Variants in ZFHX3 observed in about 807,000 individuals in gnomAD.
ZFHX3 encodes zinc finger homeobox 3.
ZFHX3 carries 42 observed loss-of-function variants against 279.1 expected under a neutral mutation model. The ratio of observed to expected loss-of-function variants is 0.15; its 90% CI spans 0.12 to 0.19. ZFHX3 has a LOEUF of 0.19. Among genes scored for constraint, ZFHX3 ranks in the 10% least tolerant of loss-of-function variants. The pLI, the probability that ZFHX3 is intolerant of heterozygous loss-of-function variation, is 1.00. For synonymous variants in ZFHX3, 2,293 were observed against 1,957.8 expected (o/e 1.17, Z -4.52); for missense variants, 4,981 against 4,754.0 (o/e 1.05, Z -1.40).
chr16:73,450,720 CG>C (rs1364724029), intron 3 of ZFHX3, among the ~76,000 whole-genome samples: 2 of 152,146 alleles, frequency 1.3e-5, no homozygotes, highest in Non-Finnish European at 2.9e-5. Flanking sequence ...CTGAACATGT[CG>C]AAGGAGAACT....
At position 73,482,661 on chromosome 16, in the gene ZFHX3, T is replaced by A. The variant is rs1242121505; in HGVS notation, c.-1546-26403A>T. ...GTGATTTATGTTCAATTTGTACAAA[T>A]GGAGAAAATGAGATTTCAAATTTCA... is the stretch of plus-strand genomic sequence containing the variant. On this transcript the variant is annotated intron_variant, in intron 2 of 17. Coordinates refer to the ZFHX3 transcript ENST00000641206. 3.3e-5 allele frequency among the ~76,000 whole-genome samples: 5 copies of A among 152,290 alleles called. No homozygotes were observed. In the East Asian group the frequency reaches 9.7e-4, roughly 29 times the overall value.
At chr16:73,446,194 G>C (rs1028742692) in intron 3 of ZFHX3, among the ~76,000 whole-genome samples, 4 of 152,146 alleles carry the variant, frequency 2.6e-5, no homozygotes, top group African/African-American at 4.8e-5. Flanking sequence ...GAATCTTCCT[G>C]CTCTGGAACA....
intron 2 of ZFHX3, among the ~76,000 whole-genome samples, chr16:73,465,054 G>A (rs1015079885): frequency 2.0e-5 from 3 of 152,146 alleles, no homozygotes; most frequent in African/African-American, 7.2e-5. Flanking sequence ...GAGAGGACCC[G>A]GCACACCGGC....
intron 5 of ZFHX3, among the ~76,000 whole-genome samples, chr16:73,148,111 C>T (rs1291735484): frequency 1.3e-5 from 2 of 152,188 alleles, no homozygotes; most frequent in Non-Finnish European, 2.9e-5. Context: ...TATTGGAACG[C>T]AGCCACACTC....
intron 3 of ZFHX3, among the ~76,000 whole-genome samples, chr16:73,391,120 C>T (rs1476423828): frequency 2.6e-5 from 4 of 152,140 alleles, no homozygotes; most frequent in South Asian, 4.2e-4. Context: ...CTGCACAAGG[C>T]CCTTAGCCAC....
intron 4 of ZFHX3, among the ~76,000 whole-genome samples, chr16:73,297,574 T>C (rs2014946733): frequency 6.6e-6 from 1 of 152,030 alleles, no homozygotes; most frequent in African/African-American, 2.4e-5. Context: ...CAAATCCTTC[T>C]ATCCACAACC....
At chr16:73,038,088 G>A (rs1597122034) in intron 1 of ZFHX3, among the ~76,000 whole-genome samples, 2 of 152,218 alleles carry the variant, frequency 1.3e-5, no homozygotes, top group South Asian at 2.1e-4. Context: ...CATCCCAGAG[G>A]GTCCTTCCCC....
intron 3 of ZFHX3, among the ~76,000 whole-genome samples, chr16:72,942,815 C>T (rs1179557966): frequency 1.3e-5 from 2 of 152,176 alleles, no homozygotes; most frequent in Non-Finnish European, 2.9e-5. Context: ...TCTTTGCAGA[C>T]TCTGTTTCTT....
chr16:73,035,217 G>A (rs1964857220), intron 1 of ZFHX3, among the ~76,000 whole-genome samples: 1 of 152,190 alleles, frequency 6.6e-6, no homozygotes, highest in South Asian at 2.1e-4. Flanking sequence ...CTGTGGAAAT[G>A]ATAACCTTTT....
chr16:73,881,545 A>G (rs1478918071), intron 1 of ZFHX3, among the ~76,000 whole-genome samples: 3 of 145,028 alleles, frequency 2.1e-5, no homozygotes, highest in African/African-American at 7.6e-5. Flanking sequence ...TCCAAAGAGA[A>G]AGTGTCTATA....
chr16:73,127,338 G>C, intron 7 of ZFHX3: 5 of 1,304,310 alleles, frequency 3.8e-6, no homozygotes, highest in Non-Finnish European at 4.0e-6. Flanking sequence ...GCCGTACAGA[G>C]GAAAGCCGAT....
At chr16:72,935,634 G>A (rs898795872) in intron 3 of ZFHX3, among the ~76,000 whole-genome samples, 5 of 151,812 alleles carry the variant, frequency 3.3e-5, no homozygotes, top group East Asian at 1.9e-4. Context: ...CCAGCTACTC[G>A]GAAGGCTGAG....
At chr16:73,534,917 A>G (rs753378424) in intron 2 of ZFHX3, among the ~76,000 whole-genome samples, 1 of 152,150 alleles carries the variant, frequency 6.6e-6, no homozygotes, top group Non-Finnish European at 1.5e-5. Flanking sequence ...CTCATGACCC[A>G]TGCATGGAGT....
At chr16:73,465,821 G>A (rs1456710316) in intron 2 of ZFHX3, among the ~76,000 whole-genome samples, 1 of 152,266 alleles carries the variant, frequency 6.6e-6, no homozygotes, top group East Asian at 1.9e-4. Context: ...GAATTACTCT[G>A]AATGGACTGT....
intron 4 of ZFHX3, among the ~76,000 whole-genome samples, chr16:72,860,711 T>A (rs2037866325): frequency 1.3e-5 from 2 of 152,200 alleles, no homozygotes; most frequent in African/African-American, 4.8e-5. Flanking sequence ...ATTACAGGTG[T>A]CAGCTACCAC....
chr16:73,090,706 G>A (rs117748063), intron 8 of ZFHX3, among the ~76,000 whole-genome samples: 5,570 of 149,586 alleles, frequency 0.037, 154 homozygotes, highest in Non-Finnish European at 0.055. Context: ...GGGCAACATG[G>A]TGAAAACTGG....
intron 7 of ZFHX3, among the ~76,000 whole-genome samples, chr16:73,099,992 A>G (rs1050637860): frequency 6.6e-6 from 1 of 152,112 alleles, no homozygotes; most frequent in African/African-American, 2.4e-5. Context: ...AATGTTCACC[A>G]TCTCACTATG....
intron 2 of ZFHX3, among the ~76,000 whole-genome samples, chr16:73,475,140 G>A (rs758379731): frequency 6.6e-6 from 1 of 152,034 alleles, no homozygotes; most frequent in Non-Finnish European, 1.5e-5. Context: ...TTTTATTTCT[G>A]TTATAGGGAG....
At chr16:73,796,423 C>G (rs918086319) in intron 1 of ZFHX3, 1 of 152,228 alleles carries the variant, frequency 6.6e-6, no homozygotes, top group African/African-American at 2.4e-5. Context: ...CCAAGGAAAA[C>G]AGCCCAGGCA....
Sources: gnomAD v4.1 joint callset for allele counts (sites outside exome capture counted in the v4.1 genomes callset) on GRCh38, gnomAD v4.1.1 for gene constraint, MANE v1.5 for transcripts, NCBI Gene and HGNC (gene_info 2026-07-23, HGNC 2026-07-21) for gene names.